ADAMTS20: variants seen among roughly 807,000 people sequenced by gnomAD.
ADAMTS20 encodes A disintegrin and metalloproteinase with thrombospondin motifs 20.
Under a neutral mutation model 260.1 loss-of-function variants are expected in ADAMTS20, and 225 were observed. The ratio of observed to expected loss-of-function variants is 0.87; its 90% confidence interval spans 0.78 to 0.97. The LOEUF is 0.97. ADAMTS20 is among the 50% of genes least tolerant of loss of function. The pLI is 0.00. For missense variants in ADAMTS20, 2,400 were observed against 2,337.7 expected, an observed-to-expected ratio of 1.03 and a Z score of -0.55; for synonymous variants, 802 against 769.5, an observed-to-expected ratio of 1.04 and a Z score of -0.70.
chr12:43,490,448 G>T lies in ADAMTS20; in HGVS notation c.1077-13C>A, dbSNP rs767755495. ...ACAAATGTCTTCCCTTAAAATAAAA[G>T]ATTTATTTTGAAGCATTTTTGGAAA... On this transcript the variant is annotated splice_polypyrimidine_tract_variant and intron_variant, in intron 6 of 38. Coordinates refer to ENST00000389420, the MANE Select transcript of ADAMTS20 (RefSeq NM_025003.5). 12 of 1,257,054 alleles carry T rather than the reference G, an allele frequency of 9.5e-6. No homozygotes were observed. The highest frequency in any genetic ancestry group is 1.6e-5 in the African/African-American group (1 of 63,602). 77.9% of individuals were successfully genotyped at this position (1,257,054 alleles called of 1,614,324 possible).
chr12:43,370,457 G>A (rs77881990), intron 36 of ADAMTS20, among the ~76,000 whole-genome samples: 7,884 of 152,230 alleles, frequency 0.052, 680 homozygotes, highest in African/African-American at 0.18. Flanking sequence ...ATTTATTTGT[G>A]GCATTTGTGG....
chr12:43,534,980 C>T (rs1313786938), intron 2 of ADAMTS20, among the ~76,000 whole-genome samples: 1 of 152,114 alleles, frequency 6.6e-6, no homozygotes, highest in African/African-American at 2.4e-5. Flanking sequence ...TCATCACACT[C>T]AGTCTGGCTG....
chr12:43,471,540 G>A (rs1313174851), intron 7 of ADAMTS20, among the ~76,000 whole-genome samples: 6 of 131,300 alleles, frequency 4.6e-5, no homozygotes, highest in African/African-American at 1.5e-4. Context: ...GCAGGGCACA[G>A]ACAAACAAAA....
intron 12 of ADAMTS20, among the ~76,000 whole-genome samples, chr12:43,453,049 G>C (rs1256969407): frequency 6.6e-6 from 1 of 152,030 alleles, no homozygotes; most frequent in African/African-American, 2.4e-5. Flanking sequence ...AACAAAGGCA[G>C]GTGCCATGTT....
chr12:43,502,481 C>G, intron 3 of ADAMTS20, 76 bp from the exon 4 acceptor site: 2 of 1,370,062 alleles, frequency 1.5e-6, no homozygotes, highest in Non-Finnish European at 2.0e-6. Flanking sequence ...AATAGAACAG[C>G]CAAAAATATT....
chr12:43,480,416 A>G (rs1942423489), intron 7 of ADAMTS20, among the ~76,000 whole-genome samples: 1 of 152,168 alleles, frequency 6.6e-6, no homozygotes, highest in South Asian at 2.1e-4. Flanking sequence ...TCTTCATCAT[A>G]CTGATTTCAG....
chr12:43,520,369 A>C (rs145741862), intron 3 of ADAMTS20, among the ~76,000 whole-genome samples: 202 of 152,310 alleles, frequency 1.3e-3, no homozygotes, highest in African/African-American at 4.6e-3. Flanking sequence ...ATAGTCTAAA[A>C]TGGTGGTCCA....
intron 31 of ADAMTS20, among the ~76,000 whole-genome samples, chr12:43,379,646 T>C (rs1306824464): frequency 6.6e-6 from 1 of 152,212 alleles, no homozygotes; most frequent in Non-Finnish European, 1.5e-5. Flanking sequence ...TACTGTCTAG[T>C]CATAGCTGAC....
chr12:43,470,271 A>G (rs1187280170), intron 7 of ADAMTS20, among the ~76,000 whole-genome samples: 1 of 152,248 alleles, frequency 6.6e-6, no homozygotes, highest in Non-Finnish European at 1.5e-5. Context: ...GCCAAATTAC[A>G]CAATTCCAAT....
At chr12:43,388,869 T>G (rs1346518025) in intron 29 of ADAMTS20, among the ~76,000 whole-genome samples, 1 of 152,192 alleles carries the variant, frequency 6.6e-6, no homozygotes, top group Non-Finnish European at 1.5e-5. Context: ...CTACATCCAG[T>G]GAGAGTCCAC....
Position 43,434,382 on chromosome 12 carries a change from G to A in ADAMTS20, c.2594-11C>T, listed in dbSNP as rs772257160. ...TTCTTCGCTGAAGACCTTGGCCAAA[G>A]TCAAATGAAAATAAAAAATGAAAGA... On this transcript the variant is annotated splice_polypyrimidine_tract_variant and intron_variant, in intron 18 of 38. Transcript: ENST00000389420. 2 of 1,557,622 alleles carry A rather than the reference G, an allele frequency of 1.3e-6. No individual in the cohort carries two copies. The highest frequency in any genetic ancestry group is 1.2e-5 in the South Asian group (1 of 82,534).
intron 7 of ADAMTS20, among the ~76,000 whole-genome samples, chr12:43,470,974 G>A (rs997692849): frequency 3.3e-5 from 5 of 152,240 alleles, no homozygotes; most frequent in East Asian, 3.9e-4. Flanking sequence ...CTTAACTATC[G>A]GGGAGGAGCC....
chr12:43,457,448 G>A (rs777710714), intron 11 of ADAMTS20, among the ~76,000 whole-genome samples: 1 of 152,046 alleles, frequency 6.6e-6, no homozygotes, highest in Non-Finnish European at 1.5e-5. Context: ...GTTACTTCTA[G>A]TCCAGATCTC....
intron 2 of ADAMTS20, among the ~76,000 whole-genome samples, chr12:43,542,657 A>G (rs574539435): frequency 3.2e-4 from 49 of 152,284 alleles, no homozygotes; most frequent in African/African-American, 1.2e-3. Context: ...TTTCCCTATA[A>G]TAAGTTCTTG....
intron 3 of ADAMTS20, among the ~76,000 whole-genome samples, chr12:43,526,635 T>A (rs1943147549): frequency 6.6e-6 from 1 of 152,178 alleles, no homozygotes; most frequent in East Asian, 1.9e-4. Flanking sequence ...CTATTTAAAA[T>A]GAATGATAAT....
Position 43,439,717 on chromosome 12 carries a change from A to T in ADAMTS20, c.2498T>A (p.Val833Glu). Residue 833 changes from valine (V) to glutamate (E), a missense_variant, in exon 18 of 39, where the codon GTA becomes GAA. Coordinates refer to ENST00000389420, the MANE Select transcript of ADAMTS20 (RefSeq NM_025003.5). Reference protein sequence around the residue: ...LCVGNLYNPDVHYSFNIPLEE... With the variant: ...LCVGNLYNPDEHYSFNIPLEE... ...CAAAGGGATATTGAAGGAATAATGT[A>T]CATCAGGGTTGTATAAATTACCCAC... 1 of 1,613,620 alleles carries T rather than the reference A, an allele frequency of 6.2e-7. No homozygotes were observed. Among genetic ancestry groups the T allele is most frequent in the Non-Finnish European group, 8.5e-7 (1 of 1,179,632 alleles).
At chr12:43,441,790 G>A (rs1014812846) in intron 16 of ADAMTS20, among the ~76,000 whole-genome samples, 6 of 152,086 alleles carry the variant, frequency 3.9e-5, no homozygotes, top group African/African-American at 9.7e-5. Flanking sequence ...CACCGAAAGC[G>A]CACAATTATC....
At chr12:43,413,987 T>C (rs1941081314) in intron 28 of ADAMTS20, among the ~76,000 whole-genome samples, 1 of 152,186 alleles carries the variant, frequency 6.6e-6, no homozygotes, top group South Asian at 2.1e-4. Context: ...AACTCTCTTA[T>C]GTCCTGATCT....
chr12:43,415,426 A>T (rs143176026), intron 28 of ADAMTS20, among the ~76,000 whole-genome samples: 1 of 152,204 alleles, frequency 6.6e-6, no homozygotes, highest in African/African-American at 2.4e-5. Flanking sequence ...TCTCAAGTAG[A>T]CTTGTTTCAG....
Sources: allele counts gnomAD v4.1 joint callset (sites outside exome capture counted in the v4.1 genomes callset), GRCh38; gene constraint gnomAD v4.1.1; transcripts MANE v1.5; gene names NCBI Gene and HGNC (gene_info 2026-07-23, HGNC 2026-07-21).